The following APLP2 variants were observed in gnomAD, a reference collection of about 807,000 sequenced individuals.
APLP2 encodes the protein CDEI box-binding protein.
Under a neutral mutation model 89.9 loss-of-function variants are expected in APLP2, and 53 were observed. That is an observed-to-expected ratio of 0.59 (90% CI 0.47 to 0.74). The LOEUF (loss-of-function observed/expected upper bound fraction) is 0.74. Ranked by LOEUF, APLP2 falls within the 30% of genes least tolerant of loss-of-function variation. The pLI, the probability that APLP2 is intolerant of heterozygous loss-of-function variation, is 0.00. For missense variants in APLP2, 973 were observed against 975.9 expected (o/e 1.00, Z 0.04); for synonymous variants, 372 against 348.6 (o/e 1.07, Z -0.75).
Position 130,142,008 on chromosome 11 carries a change from C to A in APLP2, c.2088C>A (p.Val696=). The change falls in exon 16 of 17, where the codon GTC becomes GTA. Residue 696 remains valine (V), a synonymous_variant. Coordinates refer to ENST00000338167, the MANE Select transcript of APLP2 (RefSeq NM_001142276.2). ...LLVIAVAIAT[V]IVISLVMLRK... is the part of the protein sequence containing the mutation. ...TCATCGCAGTGGCCATTGCCACGGTCATCGTCATCAGCCTGGTGATGCTGA... is the reference window on the plus strand; with the variant it reads ...TCATCGCAGTGGCCATTGCCACGGTAATCGTCATCAGCCTGGTGATGCTGA... 6.2e-7 allele frequency: 1 copy of A among 1,614,020 alleles called. No individual in the cohort carries two copies. Among genetic ancestry groups the A allele is most frequent in the South Asian group, 1.1e-5 (1 of 91,042 alleles).
Position 130,141,596 on chromosome 11 carries a change from AAGG to A in APLP2, c.1998+25_1998+27del. ...GGGTACGTGTTTAGCTCCAGAACCT[AAGG>A]TTTCCTGCCAATCTTAGGTATTTCT... On this transcript the variant is annotated intron_variant, in intron 15 of 16. Transcript: ENST00000338167. The surrounding 1 kb of genome is among the most constrained non-coding windows in gnomAD (Gnocchi z 4.2). 1 of 1,604,904 alleles carries A rather than the reference AAGG, an allele frequency of 6.2e-7. No individual in the cohort carries two copies. Among genetic ancestry groups the A allele is most frequent in the Non-Finnish European group, 8.5e-7 (1 of 1,172,002 alleles).
intron 1 of APLP2, among the ~76,000 whole-genome samples, chr11:130,105,685 CCTGT>C (rs1362703280): frequency 4.1e-5 from 6 of 146,516 alleles, no homozygotes; most frequent in Non-Finnish European, 9.0e-5. Flanking sequence ...TCTCTCTCTC[CCTGT>C]CTTTCTGTCT....
rs181232363 is a variant in APLP2, at chr11:130,100,774, T to C, written c.106-8655T>C. 3.3e-5 allele frequency among the ~76,000 whole-genome samples: 5 copies of C among 152,354 alleles called. No individual in the cohort carries two copies. In the East Asian group the frequency reaches 9.6e-4, roughly 29 times the overall value. On this transcript the variant is annotated intron_variant, in intron 1 of 16. Transcript: ENST00000338167. ...CATATGTCACTGTAAGAATAATGTC[T>C]TTTTACACTTGGAGTTTTCCCCCTA...
chr11:130,076,501 A>G (rs1002310408), intron 1 of APLP2, among the ~76,000 whole-genome samples: 1 of 152,204 alleles, frequency 6.6e-6, no homozygotes, highest in Admixed American at 6.5e-5. Context: ...TTTTATCAAA[A>G]TCAAGGTGCG....
intron 1 of APLP2, chr11:130,070,691 G>A: frequency 1.4e-6 from 2 of 1,477,434 alleles, no homozygotes; most frequent in East Asian, 3.0e-5. Flanking sequence ...TCGCGGACGC[G>A]CATTTTTTAA....
intron 2 of APLP2, 108 bp downstream of exon 2, chr11:130,109,710 A>G: frequency 8.0e-7 from 1 of 1,242,656 alleles, no homozygotes; most frequent in Non-Finnish European, 1.1e-6. Context: ...TAAGACCAAG[A>G]TGCTAATGAC....
At chr11:130,103,657 G>A (rs1462332573) in intron 1 of APLP2, among the ~76,000 whole-genome samples, 1 of 152,130 alleles carries the variant, frequency 6.6e-6, no homozygotes, top group African/African-American at 2.4e-5. Flanking sequence ...ATAATCTTTG[G>A]TGCTGATAAA....
chr11:130,121,497 A>C, intron 4 of APLP2, 117 bp from the exon 5 acceptor site: 2 of 1,298,194 alleles, frequency 1.5e-6, no homozygotes, highest in African/African-American at 1.5e-5. Context: ...TGTGTTCATA[A>C]GAGAAAGCAT....
chr11:130,090,689 C>G (rs1392739310), intron 1 of APLP2, among the ~76,000 whole-genome samples: 2 of 152,194 alleles, frequency 1.3e-5, no homozygotes, highest in African/African-American at 2.4e-5. Context: ...GGCAACCATC[C>G]GATTTCTCAA....
intron 10 of APLP2, among the ~76,000 whole-genome samples, chr11:130,129,571 T>C (rs1274908221): frequency 6.6e-6 from 1 of 152,212 alleles, no homozygotes; most frequent in Non-Finnish European, 1.5e-5. Context: ...AAGAAAGGGG[T>C]AAAGTAATTT....
In APLP2 at chr11:130,129,161, G is replaced by A; in HGVS notation, c.1410G>A (p.Met470Ile). Residue 470 changes from methionine to isoleucine, a missense_variant, in exon 10 of 17, where the codon ATG becomes ATA. By Grantham distance (10) the Met-to-Ile change is conservative. Coordinates refer to ENST00000338167, the MANE Select transcript of APLP2 (RefSeq NM_001142276.2). The stretch of plus-strand genomic sequence containing the variant: ...CTATGCTGAATGACCGCCGTCGGAT[G>A]GCTCTGGAGAACTACCTGGCTGCCT... ...VEAMLNDRRR[M>I]ALENYLAALQ... 1 of 1,614,162 alleles carries A rather than the reference G, an allele frequency of 6.2e-7. No homozygotes were observed. The highest frequency in any genetic ancestry group is 1.7e-4 in the Middle Eastern group (1 of 6,058).
intron 1 of APLP2, among the ~76,000 whole-genome samples, chr11:130,092,540 C>G (rs1315058709): frequency 4.8e-4 from 68 of 140,470 alleles, no homozygotes; most frequent in South Asian, 9.2e-4. Context: ...GCCAACACAG[C>G]GAAACCCCGT....
intron 1 of APLP2, among the ~76,000 whole-genome samples, chr11:130,091,824 C>G (rs1945308839): frequency 6.7e-6 from 1 of 149,448 alleles, no homozygotes; most frequent in Non-Finnish European, 1.5e-5. Context: ...GGGGCTGACC[C>G]CCCCCCACCT....
intron 16 of APLP2, 105 bp downstream of exon 16, chr11:130,142,179 C>A: frequency 8.0e-7 from 1 of 1,256,682 alleles, no homozygotes; most frequent in Non-Finnish European, 1.1e-6. Flanking sequence ...ACTGGACATG[C>A]TGCTGTTATC....
intron 3 of APLP2, among the ~76,000 whole-genome samples, chr11:130,116,574 C>CCTGCGTGTCCCCCTTT (rs1949196948): frequency 6.6e-6 from 1 of 152,058 alleles, no homozygotes; most frequent in Admixed American, 6.5e-5. Context: ...CGGCCTTGGT[C>CCTGCGTGTCCCCCTTT]CTGCGTGTCC....
intron 1 of APLP2, among the ~76,000 whole-genome samples, chr11:130,099,215 G>C (rs1342945557): frequency 1.3e-5 from 2 of 152,134 alleles, no homozygotes; most frequent in Non-Finnish European, 2.9e-5. Flanking sequence ...AGTGAATTCT[G>C]ACTTAGTGAG....
intron 1 of APLP2, among the ~76,000 whole-genome samples, chr11:130,085,650 G>A (rs1591769319): frequency 1.3e-5 from 2 of 152,154 alleles, no homozygotes; most frequent in East Asian, 3.9e-4. Flanking sequence ...TGGCATTAAG[G>A]ACATCCACAA....
At chr11:130,121,981 C>T (rs1183523333) in intron 5 of APLP2, among the ~76,000 whole-genome samples, 171 bp downstream of exon 5, 1 of 152,050 alleles carries the variant, frequency 6.6e-6, no homozygotes, top group African/African-American at 2.4e-5. Flanking sequence ...CACAGGAGTA[C>T]CTGTGATTTT....
Position 130,127,859 on chromosome 11 carries a change from G to A in APLP2, c.1296+19G>A, listed in dbSNP as rs754430482. The stretch of plus-strand genomic sequence containing the variant: ...GATTCAGGTAAGATGCCTTCTCTGG[G>A]GACATAGCTTTCAGCCTGACCATTG... On this transcript the variant is annotated intron_variant, in intron 9 of 16. Transcript: ENST00000338167. The A allele has an allele frequency of 2.5e-6, 4 of 1,609,424 alleles. No individual in the cohort carries two copies. The East Asian group carries it at 6.7e-5, about 27-fold the overall frequency.
Sources: gnomAD v4.1 joint callset for allele counts (sites outside exome capture counted in the v4.1 genomes callset) on GRCh38, gnomAD v4.1.1 for gene constraint, Gnocchi (gnomAD v3.1) non-coding constraint, MANE v1.5 for transcripts, NCBI Gene and HGNC (gene_info 2026-07-23, HGNC 2026-07-21) for gene names.